HMGB1: variants seen among roughly 807,000 people sequenced by gnomAD.
The protein encoded by HMGB1 is high mobility group protein B1.
For synonymous variants in HMGB1, 81 were observed against 84.0 expected, an observed-to-expected ratio of 0.96 and a Z score of 0.19; for missense variants, 79 against 253.5, an observed-to-expected ratio of 0.31 and a Z score of 4.67.
chr13:30,516,992 T>C (rs2137469668), intron 1 of HMGB1, among the ~76,000 whole-genome samples: 1 of 152,252 alleles, frequency 6.6e-6, no homozygotes, highest in Admixed American at 6.5e-5. Flanking sequence ...TAAAAAAAAG[T>C]TCCAAGTATA....
intron 1 of HMGB1, among the ~76,000 whole-genome samples, chr13:30,480,527 G>T (rs953953412): frequency 6.6e-6 from 1 of 152,152 alleles, no homozygotes; most frequent in Non-Finnish European, 1.5e-5. Flanking sequence ...TCAGCTGTAG[G>T]TTTTACATTT....
At chr13:30,502,802 A>G (rs1887764107) in intron 1 of HMGB1, among the ~76,000 whole-genome samples, 1 of 151,956 alleles carries the variant, frequency 6.6e-6, no homozygotes, top group Admixed American at 6.6e-5. Flanking sequence ...CAGCTTCCCA[A>G]GTAGCTGGGA....
intron 1 of HMGB1, among the ~76,000 whole-genome samples, chr13:30,476,891 TA>T (rs1470318646): frequency 6.6e-6 from 1 of 151,990 alleles, no homozygotes; most frequent in Non-Finnish European, 1.5e-5. Flanking sequence ...AGATTTTGTT[TA>T]ATCCTAACAG....
chr13:30,505,396 T>A (rs1410593581), intron 1 of HMGB1, among the ~76,000 whole-genome samples: 1 of 152,106 alleles, frequency 6.6e-6, no homozygotes, highest in African/African-American at 2.4e-5. Context: ...GCCAGGATGG[T>A]CTCCATCTCC....
intron 1 of HMGB1, among the ~76,000 whole-genome samples, chr13:30,497,641 T>C (rs1887640751): frequency 6.6e-6 from 1 of 152,096 alleles, no homozygotes; most frequent in African/African-American, 2.4e-5. Context: ...GTGTCTCTTG[T>C]TCCCCTCTTT....
chr13:30,579,367 G>A (rs1870801879), intron 1 of HMGB1, among the ~76,000 whole-genome samples: 2 of 152,316 alleles, frequency 1.3e-5, no homozygotes, highest in South Asian at 4.1e-4. Context: ...CTGTATATTG[G>A]ACTGGAATGT....
chr13:30,483,338 A>G (rs769841927), intron 1 of HMGB1, among the ~76,000 whole-genome samples: 1 of 145,310 alleles, frequency 6.9e-6, no homozygotes, highest in African/African-American at 2.5e-5. Context: ...CAGAAACCTG[A>G]GTATCATCAT....
In HMGB1 at chr13:30,458,884, C is replaced by T. The variant is rs1052150778; in HGVS notation, c.*2473G>A. 12 of 152,170 alleles carry T rather than the reference C, an allele frequency of 7.9e-5. No individual in the cohort carries two copies. The highest frequency in any genetic ancestry group is 2.7e-4 in the African/African-American group (11 of 41,448). The allele number at this position is 152,170 out of a possible 1,614,324, so 9.4% of individuals were successfully genotyped here. Reference sequence around the variant, plus strand: ...GGGACGATCATCAGAACTGTGGTAACTAATCAGCAATAGCTCTCAACCTTT... The same window carrying T: ...GGGACGATCATCAGAACTGTGGTAATTAATCAGCAATAGCTCTCAACCTTT... On this transcript the variant is annotated 3_prime_UTR_variant, in exon 5 of 5. Transcript: ENST00000341423.
intron 1 of HMGB1, chr13:30,465,127 C>A (rs1466824127): frequency 1.0e-6 from 1 of 971,480 alleles, no homozygotes; most frequent in South Asian, 4.6e-5. Flanking sequence ...TCTCTCCAGC[C>A]AGCAGCGCCG....
At chr13:30,503,186 A>G (rs1365345304) in intron 1 of HMGB1, among the ~76,000 whole-genome samples, 1 of 151,972 alleles carries the variant, frequency 6.6e-6, no homozygotes, top group Non-Finnish European at 1.5e-5. Context: ...AATACAAAAA[A>G]AAAGAAAATT....
rs573812352 is a variant in HMGB1 at position 30,559,968 on chromosome 13, G to A, written c.-15+56703C>T. ...TGCCTTCACATGACTCAGATGTCACGTGTTTCTCACCATTGAGACCCCCAA... is the reference window on the plus strand; with the variant it reads ...TGCCTTCACATGACTCAGATGTCACATGTTTCTCACCATTGAGACCCCCAA... On this transcript the variant is annotated intron_variant, in intron 1 of 4. Transcript: ENST00000405805. This position sits in a 1 kb window ranked among gnomAD's most constrained non-coding sequence, Gnocchi z 6.6. Among the ~76,000 whole-genome samples the A allele has an allele frequency of 1.2e-4, 19 of 152,074 alleles. No individual in the cohort carries two copies. The highest frequency in any genetic ancestry group is 2.2e-4 in the Non-Finnish European group (15 of 68,032).
chr13:30,504,793 A>C (rs1437828737), intron 1 of HMGB1, among the ~76,000 whole-genome samples: 3 of 150,954 alleles, frequency 2.0e-5, no homozygotes, highest in South Asian at 4.1e-4. Flanking sequence ...TACTGGCCAA[A>C]GACTGGAGTT....
At chr13:30,473,469 A>G (rs1886996369) in intron 1 of HMGB1, among the ~76,000 whole-genome samples, 1 of 152,216 alleles carries the variant, frequency 6.6e-6, no homozygotes, top group African/African-American at 2.4e-5. Flanking sequence ...AAAGATCCCT[A>G]TATTAGGTCT....
chr13:30,518,205 C>T (rs1220446242), intron 1 of HMGB1, among the ~76,000 whole-genome samples: 1 of 152,088 alleles, frequency 6.6e-6, no homozygotes, highest in Non-Finnish European at 1.5e-5. Flanking sequence ...GGTGTGGTGG[C>T]ACATGTCCAT....
intron 1 of HMGB1, among the ~76,000 whole-genome samples, chr13:30,605,850 T>C (rs1263433584): frequency 6.6e-6 from 1 of 152,256 alleles, no homozygotes; most frequent in African/African-American, 2.4e-5. Context: ...TAATGCCATA[T>C]GTTTTCCCTG....
chr13:30,502,890 GGT>G (rs1219710449), intron 1 of HMGB1, among the ~76,000 whole-genome samples: 2 of 151,992 alleles, frequency 1.3e-5, no homozygotes, highest in African/African-American at 2.4e-5. Context: ...TGGCCAGGCT[GGT>G]CTCAAACTCC....
At chr13:30,579,299 A>T (rs17074757) in intron 1 of HMGB1, among the ~76,000 whole-genome samples, 1 of 152,026 alleles carries the variant, frequency 6.6e-6, no homozygotes, top group Non-Finnish European at 1.5e-5. Flanking sequence ...ATTATGAAAA[A>T]GAGGATAGTA....
chr13:30,490,500 T>G (rs781085923), intron 1 of HMGB1, among the ~76,000 whole-genome samples: 3 of 151,666 alleles, frequency 2.0e-5, no homozygotes, highest in Non-Finnish European at 4.4e-5. Flanking sequence ...TTGCCTATAA[T>G]CCCAGCTACT....
chr13:30,606,992 CATTTT>C (rs1566039028), intron 1 of HMGB1, among the ~76,000 whole-genome samples: 3 of 151,852 alleles, frequency 2.0e-5, no homozygotes, highest in Admixed American at 6.5e-5. Context: ...AAATTATAAT[CATTTT>C]ATTTCACTTA....
Sources: gnomAD v4.1 joint callset for allele counts (sites outside exome capture counted in the v4.1 genomes callset) on GRCh38, gnomAD v4.1.1 for gene constraint, Gnocchi (gnomAD v3.1) non-coding constraint, MANE v1.5 for transcripts, NCBI Gene and HGNC (gene_info 2026-07-23, HGNC 2026-07-21) for gene names.